PPP1R12A: variants seen among roughly 807,000 people sequenced by gnomAD.
PPP1R12A encodes the protein protein phosphatase 1 regulatory subunit 12A.
Under a neutral mutation model 139.6 loss-of-function variants are expected in PPP1R12A, and 19 were observed. The ratio of observed to expected loss-of-function variants is 0.14; its 90% CI spans 0.09 to 0.20. PPP1R12A has a LOEUF of 0.20. PPP1R12A is among the 10% of genes least tolerant of loss of function. PPP1R12A has a pLI of 1.00. For missense variants in PPP1R12A, 925 were observed against 1,211.5 expected, an observed-to-expected ratio of 0.76 and a Z score of 3.51; for synonymous variants, 427 against 420.6, an observed-to-expected ratio of 1.02 and a Z score of -0.19.
intron 22 of PPP1R12A, chr12:79,782,617 A>G: frequency 2.2e-6 from 1 of 448,894 alleles, no homozygotes; most frequent in Non-Finnish European, 4.5e-6. Context: ...GCACAGGCAC[A>G]GTTTAAGAAC....
chr12:79,830,070 T>G (rs1877235971), intron 4 of PPP1R12A, among the ~76,000 whole-genome samples: 3 of 151,930 alleles, frequency 2.0e-5, no homozygotes, highest in Admixed American at 2.0e-4. Flanking sequence ...TTCATATATG[T>G]TTTAACTTTC....
intron 1 of PPP1R12A, among the ~76,000 whole-genome samples, chr12:79,912,536 A>T (rs1886659015): frequency 6.6e-6 from 1 of 152,116 alleles, no homozygotes. Context: ...ACAAAAAAAT[A>T]AAAAACAGTT....
intron 2 of PPP1R12A, among the ~76,000 whole-genome samples, chr12:79,863,717 C>A (rs1881634877): frequency 7.0e-6 from 1 of 142,562 alleles, no homozygotes; most frequent in African/African-American, 2.6e-5. Flanking sequence ...GACTTTAAAC[C>A]AACAAAGATC....
intron 1 of PPP1R12A, among the ~76,000 whole-genome samples, chr12:79,880,394 ACAGT>A (rs1355522629): frequency 2.0e-5 from 3 of 152,054 alleles, no homozygotes; most frequent in African/African-American, 4.8e-5. Flanking sequence ...GAATAAACAA[ACAGT>A]CAGTCAACCA....
chr12:79,843,879 ATTTTTAGTAGAGACAGGGTTTCACCATG>A (rs1473441548), intron 3 of PPP1R12A, among the ~76,000 whole-genome samples: 2 of 151,574 alleles, frequency 1.3e-5, no homozygotes, highest in African/African-American at 4.8e-5. Context: ...TAATTTTTGT[ATTTTTAGTAGAGACAGGGTTTCACCATG>A]TTGGTCAGGC....
chr12:79,882,685 G>A (rs1357821373), intron 1 of PPP1R12A, among the ~76,000 whole-genome samples: 2 of 152,168 alleles, frequency 1.3e-5, no homozygotes, highest in African/African-American at 4.8e-5. Flanking sequence ...TCTACTGGGG[G>A]TAAAATGCTA....
chr12:79,788,859 T>A, intron 20 of PPP1R12A, 76 bp from the exon 21 acceptor site: 1 of 1,294,870 alleles, frequency 7.7e-7, no homozygotes, highest in East Asian at 2.5e-5. Flanking sequence ...CTAGTACACA[T>A]ATAACTTGAC....
rs745651524 is a variant in PPP1R12A at position 79,781,826 on chromosome 12, T to G, written c.2944A>C (p.Met982Leu). The change falls in exon 23 of 25, where the codon ATG (methionine) becomes CTG (leucine). Residue 982 changes from methionine (M) to leucine (L), a missense_variant. Met to Leu is a conservative substitution (Grantham distance 15). This residue lies in a region of PPP1R12A where 315 missense variants were observed against 363.4 expected (regional missense o/e 0.87). Coordinates refer to ENST00000450142, the MANE Select transcript of PPP1R12A (RefSeq NM_002480.3). ...ERFADRSLLE[M>L]EKRERRALER... Reference sequence around the variant, plus strand: ...AGTGGGACACTTACCCTTTTTTCCATTTCCAACAGTGATCTATCAGCAAAT... The same window carrying G: ...AGTGGGACACTTACCCTTTTTTCCAGTTCCAACAGTGATCTATCAGCAAAT... 1.3e-6 allele frequency: 2 copies of G among 1,537,852 alleles called. No homozygotes were observed. Among genetic ancestry groups the G allele is most frequent in the Admixed American group, 3.9e-5 (2 of 51,242 alleles).
At position 79,777,532 on chromosome 12, in the gene PPP1R12A, A is replaced by T. The variant is rs1565732788; in HGVS notation, c.3006+1018T>A. 3 of 985,324 alleles carry T rather than the reference A, an allele frequency of 3.0e-6. No individual in the cohort carries two copies. In the East Asian group the frequency reaches 3.4e-4, roughly 112 times the overall value. 61.0% of individuals were successfully genotyped at this position (985,324 alleles called of 1,614,324 possible). A position where few individuals can be genotyped will look rare whatever the true frequency, so the allele number is the denominator to read the frequency against. ...GAAACTAAAAATTATAGGTTCACAGACTGCAGTTGCCTATAGAACCCTGAG... is the reference window on the plus strand; with the variant it reads ...GAAACTAAAAATTATAGGTTCACAGTCTGCAGTTGCCTATAGAACCCTGAG... On this transcript the variant is annotated intron_variant, in intron 24 of 24. Transcript: ENST00000450142.
intron 8 of PPP1R12A, among the ~76,000 whole-genome samples, chr12:79,817,933 A>G (rs905155030): frequency 6.6e-6 from 1 of 152,228 alleles, no homozygotes; most frequent in Non-Finnish European, 1.5e-5. Flanking sequence ...CTCTTTAATC[A>G]AGGAAATCTA....
Position 79,781,799 on chromosome 12 carries a change from T to G in PPP1R12A, c.2955+16A>C. On this transcript the variant is annotated intron_variant, in intron 23 of 24. Transcript: ENST00000450142. ...AAGAAAGAAAAAAATAATTATTTAA[T>G]AAGTGGGACACTTACCCTTTTTTCC... 1 of 1,437,516 alleles carries G rather than the reference T, an allele frequency of 7.0e-7. No individual in the cohort carries two copies. Among genetic ancestry groups the G allele is most frequent in the Non-Finnish European group, 9.3e-7 (1 of 1,071,732 alleles). 89.0% of individuals were successfully genotyped at this position (1,437,516 alleles called of 1,614,324 possible).
intron 2 of PPP1R12A, among the ~76,000 whole-genome samples, chr12:79,853,618 A>G (rs1880302721): frequency 6.6e-6 from 1 of 152,240 alleles, no homozygotes; most frequent in Non-Finnish European, 1.5e-5. Context: ...TTTTCTTCAT[A>G]AAGTAACTCT....
chr12:79,783,587 G>A (rs1169859962), intron 22 of PPP1R12A, among the ~76,000 whole-genome samples: 1 of 151,872 alleles, frequency 6.6e-6, no homozygotes, highest in Non-Finnish European at 1.5e-5. Context: ...GATACACCAC[G>A]TGAGGATTTA....
At chr12:79,887,723 G>A (rs185667136) in intron 1 of PPP1R12A, among the ~76,000 whole-genome samples, 8 of 152,072 alleles carry the variant, frequency 5.3e-5, no homozygotes, top group East Asian at 1.9e-4. Flanking sequence ...ATACTAATGC[G>A]AAAATTTTAG....
At chr12:79,853,263 C>T (rs1159631713) in intron 2 of PPP1R12A, among the ~76,000 whole-genome samples, 2 of 152,098 alleles carry the variant, frequency 1.3e-5, no homozygotes, top group Admixed American at 6.6e-5. Flanking sequence ...CTTTTGCTGG[C>T]GCTTTCTTTG....
intron 2 of PPP1R12A, among the ~76,000 whole-genome samples, chr12:79,856,604 A>G (rs1880687493): frequency 6.6e-6 from 1 of 152,184 alleles, no homozygotes; most frequent in South Asian, 2.1e-4. Context: ...CAAAAACTTG[A>G]AGTCAACAGC....
chr12:79,824,236 T>G (rs1376559815), intron 5 of PPP1R12A, among the ~76,000 whole-genome samples: 3 of 152,220 alleles, frequency 2.0e-5, no homozygotes, highest in Non-Finnish European at 4.4e-5. Flanking sequence ...ATGCTTTACA[T>G]AATCAGTTCT....
At chr12:79,855,100 T>G (rs982687231) in intron 2 of PPP1R12A, among the ~76,000 whole-genome samples, 5 of 152,094 alleles carry the variant, frequency 3.3e-5, no homozygotes, top group African/African-American at 1.2e-4. Context: ...GCCATTCTCC[T>G]GCTTCAGCCT....
rs1348379168 is a variant in PPP1R12A, at chr12:79,773,864, T to C, written c.*2065A>G. Reference sequence around the variant, plus strand: ...TTTATTTGTATATGTCAAAATACATTTTTATTTCCAAAATAGTGGGTTTTG... The same window carrying C: ...TTTATTTGTATATGTCAAAATACATCTTTATTTCCAAAATAGTGGGTTTTG... On this transcript the variant is annotated 3_prime_UTR_variant, in exon 25 of 25. Coordinates refer to ENST00000450142, the MANE Select transcript of PPP1R12A (RefSeq NM_002480.3). 1 of 152,236 alleles carries C rather than the reference T, an allele frequency of 6.6e-6. No individual in the cohort carries two copies. The highest frequency in any genetic ancestry group is 1.5e-5 in the Non-Finnish European group (1 of 68,036). The allele number at this position is 152,236 out of a possible 1,614,324, so 9.4% of individuals were successfully genotyped here. A position where few individuals can be genotyped will look rare whatever the true frequency, so the allele number is the denominator to read the frequency against.
Sources: gnomAD v4.1 joint callset for allele counts (sites outside exome capture counted in the v4.1 genomes callset) on GRCh38, gnomAD v4.1.1 for gene constraint, gnomAD v4.1.1 regional missense constraint, MANE v1.5 for transcripts, NCBI Gene and HGNC (gene_info 2026-07-23, HGNC 2026-07-21) for gene names.